The following MOXD1 variants were observed in gnomAD, a reference collection of about 807,000 sequenced individuals.
MOXD1 encodes the protein DBH-like monooxygenase protein 1.
Under a neutral mutation model 66.6 loss-of-function variants are expected in MOXD1, and 62 were observed. The observed-to-expected ratio is 0.93, with a 90% CI of 0.76 to 1.15. The LOEUF (loss-of-function observed/expected upper bound fraction) is 1.15, where lower values mean the gene tolerates loss of function less well. Ranked by LOEUF, MOXD1 falls within the 50% of genes most tolerant of loss-of-function variation. The probability of loss-of-function intolerance (pLI) is 0.00; values close to 1 mark genes in which losing one functional copy is unlikely to be tolerated. For synonymous variants in MOXD1, 303 were observed against 281.9 expected (o/e 1.07, Z -0.75); for missense variants, 847 against 754.6 (o/e 1.12, Z -1.44).
At chr6:132,363,947 C>T (rs1776066451) in intron 4 of MOXD1, among the ~76,000 whole-genome samples, 1 of 151,798 alleles carries the variant, frequency 6.6e-6, no homozygotes, top group African/African-American at 2.4e-5. Flanking sequence ...GAATAATTAC[C>T]AAGAAATGTG....
intron 10 of MOXD1, among the ~76,000 whole-genome samples, chr6:132,302,553 G>T (rs1774564073): frequency 6.6e-6 from 1 of 152,068 alleles, no homozygotes; most frequent in Admixed American, 6.6e-5. Context: ...TTAGAGAAAT[G>T]AAAGAACAGT....
At chr6:132,353,343 T>G (rs1374275736) in intron 4 of MOXD1, among the ~76,000 whole-genome samples, 2 of 152,166 alleles carry the variant, frequency 1.3e-5, no homozygotes, top group Admixed American at 6.5e-5. Context: ...GCAGCTCTTG[T>G]GGTGCTTCCT....
At position 132,301,201 on chromosome 6, in the gene MOXD1, TATATA is replaced by T. The variant is rs1774528933; in HGVS notation, c.1509-3251_1509-3247del. 1.0e-3 allele frequency among the ~76,000 whole-genome samples: 27 copies of T among 26,988 alleles called. No individual in the cohort carries two copies. In the African/African-American group the frequency reaches 0.032, roughly 32 times the overall value. The allele number at this position is 26,988 out of a possible 152,430, so 17.7% of individuals were successfully genotyped here. A position where few individuals can be genotyped will look rare whatever the true frequency, so the allele number is the denominator to read the frequency against. ...ACATACATGTAAACGAATGGTATTA[TATATA>T]TATATATATATATATATTACTGTAG... is the stretch of plus-strand genomic sequence containing the variant. On this transcript the variant is annotated intron_variant, in intron 10 of 11. Transcript: ENST00000367963.
At chr6:132,341,403 C>A (rs1357119420) in intron 4 of MOXD1, among the ~76,000 whole-genome samples, 1 of 152,174 alleles carries the variant, frequency 6.6e-6, no homozygotes. Flanking sequence ...ATTGCCCAGT[C>A]TAAAGTATTT....
chr6:132,353,919 G>A (rs1775858873), intron 4 of MOXD1, among the ~76,000 whole-genome samples: 1 of 151,956 alleles, frequency 6.6e-6, no homozygotes, highest in African/African-American at 2.4e-5. Flanking sequence ...TTGTCTTTGA[G>A]CTCCGAATTT....
Position 132,349,410 on chromosome 6 carries a change from T to TATATATACACATATATATAC in MOXD1, c.664-20817_664-20816insGTATATATATGTGTATATAT, listed in dbSNP as rs1562289902. On this transcript the variant is annotated intron_variant, in intron 4 of 11. Coordinates refer to ENST00000367963, the MANE Select transcript of MOXD1 (RefSeq NM_015529.4). ...ATATATATACACATATATATACATA[T>TATATATACACATATATATAC]ATATATATATACATATATATATATA... is the stretch of plus-strand genomic sequence containing the variant. 8.3e-4 allele frequency among the ~76,000 whole-genome samples: 69 copies of TATATATACACATATATATAC among 82,662 alleles called. 12 individuals carry two copies. Among genetic ancestry groups the TATATATACACATATATATAC allele is most frequent in the African/African-American group, 5.0e-3 (67 of 13,470 alleles). The allele number at this position is 82,662 out of a possible 152,430, so 54.2% of individuals were successfully genotyped here. A position where few individuals can be genotyped will look rare whatever the true frequency, so the allele number is the denominator to read the frequency against.
intron 1 of MOXD1, among the ~76,000 whole-genome samples, chr6:132,387,316 C>T (rs1483644462): frequency 6.6e-6 from 1 of 151,372 alleles, no homozygotes; most frequent in Non-Finnish European, 1.5e-5. Context: ...ATACTGTGTA[C>T]ATGCACAGAT....
In MOXD1 at chr6:132,328,548, A is replaced by G; in HGVS notation, c.710T>C (p.Ile237Thr). 1 of 1,614,140 alleles carries G rather than the reference A, an allele frequency of 6.2e-7. No homozygotes were observed. Among genetic ancestry groups the G allele is most frequent in the Non-Finnish European group, 8.5e-7 (1 of 1,180,008 alleles). Residue 237 changes from isoleucine (I) to threonine (T), a missense_variant, in exon 5 of 12, where the codon ATC (isoleucine) becomes ACC (threonine). Transcript: ENST00000367963. ...QRGHESLVHH[I>T]LLYQCSNNFN... ...GTTGTTGCTGCACTGATAGAGCAGGATGTGGTGCACCAGACTCTCATGGCC... is the reference window on the plus strand; with the variant it reads ...GTTGTTGCTGCACTGATAGAGCAGGGTGTGGTGCACCAGACTCTCATGGCC...
chr6:132,372,946 C>A lies in MOXD1; in HGVS notation c.463G>T (p.Ala155Ser), dbSNP rs775801830. Residue 155 changes from alanine to serine, a missense_variant, in exon 3 of 12, where the codon GCT becomes TCT. Ala to Ser is a moderately conservative substitution (Grantham distance 99). Transcript: ENST00000367963. ...WAYHHEDAGE[A>S]GPKYHDSNRG... ...TTGGAGTCATGGTACTTGGGACCAG[C>A]TTCTCCTGCATCTTCATGGTGGTAG... 1 of 1,613,882 alleles carries A rather than the reference C, an allele frequency of 6.2e-7. No homozygotes were observed. The highest frequency in any genetic ancestry group is 1.1e-5 in the South Asian group (1 of 91,068).
At chr6:132,333,152 A>T (rs568959602) in intron 4 of MOXD1, among the ~76,000 whole-genome samples, 13 of 151,948 alleles carry the variant, frequency 8.6e-5, no homozygotes, top group East Asian at 1.9e-4. Flanking sequence ...CTGGCTAACA[A>T]GGTGAAACCC....
rs1343601478 is a variant in MOXD1 at position 132,374,640 on chromosome 6, C to G, written c.402G>C (p.Lys134Asn). The G allele has an allele frequency of 1.9e-6, 3 of 1,613,582 alleles. No homozygotes were observed. The Admixed American group carries it at 5.0e-5, about 27-fold the overall frequency. The part of the protein sequence containing the change: ...RELHTCDIND[K>N]SITDSTVRVI... ...CTCATAGATGCCTTACCGTTATACTCTTGTCATTTATGTCACATGTATGCA... is the reference window on the plus strand; with the variant it reads ...CTCATAGATGCCTTACCGTTATACTGTTGTCATTTATGTCACATGTATGCA... The change falls in exon 2 of 12, where the codon AAG (lysine) becomes AAC (asparagine). Residue 134 changes from lysine to asparagine, a missense_variant. By Grantham distance (94) the Lys-to-Asn change is moderately conservative. Coordinates refer to ENST00000367963, the MANE Select transcript of MOXD1 (RefSeq NM_015529.4).
chr6:132,323,807 AG>A (rs1487442962), intron 7 of MOXD1, 123 bp downstream of exon 7: 3 of 1,061,406 alleles, frequency 2.8e-6, no homozygotes, highest in African/African-American at 1.6e-5. Flanking sequence ...AATTGCGATA[AG>A]GGTTTCACAG....
At chr6:132,330,753 C>G (rs1775300763) in intron 4 of MOXD1, among the ~76,000 whole-genome samples, 1 of 152,220 alleles carries the variant, frequency 6.6e-6, no homozygotes, top group Non-Finnish European at 1.5e-5. Flanking sequence ...GTGTTTTCAG[C>G]TCTTTTCTCC....
Position 132,323,959 on chromosome 6 carries a change from C to A in MOXD1, c.1085G>T (p.Gly362Val). The A allele has an allele frequency of 1.2e-6, 2 of 1,613,270 alleles. No individual in the cohort carries two copies. The highest frequency in any genetic ancestry group is 8.5e-7 in the Non-Finnish European group (1 of 1,179,772). Reference protein sequence around the residue: ...PPGMPEFQSEGHCTLECLEEA... With the variant: ...PPGMPEFQSEVHCTLECLEEA... ...TTCCAGGCACTCCAAAGTGCAGTGA[C>A]CCTCAGACTGGAACTCAGGCATCCC... is the stretch of plus-strand genomic sequence containing the variant. The change falls in exon 7 of 12, where the codon GGT (glycine) becomes GTT (valine). Residue 362 changes from glycine (G) to valine (V), a missense_variant. Gly to Val is a moderately radical substitution (Grantham distance 109, BLOSUM62 -3). Transcript: ENST00000367963.
chr6:132,328,147 C>T (rs1038845848), intron 5 of MOXD1, 32 bp from the exon 6 acceptor site: 4 of 1,564,904 alleles, frequency 2.6e-6, no homozygotes, highest in Admixed American at 1.7e-5. Flanking sequence ...AGACAATGTC[C>T]TATGAAAGTC....
At position 132,372,911 on chromosome 6, in the gene MOXD1, G is replaced by A. The variant is rs747838793; in HGVS notation, c.498C>T (p.Thr166=). 3 of 1,613,940 alleles carry A rather than the reference G, an allele frequency of 1.9e-6. No homozygotes were observed. Among genetic ancestry groups the A allele is most frequent in the East Asian group, 2.2e-5 (1 of 44,872 alleles). ...CAGGATTCAATAACCGCAAACTCTTGGTGCCCCTATTGGAGTCATGGTACT... is the reference window on the plus strand; with the variant it reads ...CAGGATTCAATAACCGCAAACTCTTAGTGCCCCTATTGGAGTCATGGTACT... ...GPKYHDSNRG[T]KSLRLLNPEK... is the part of the protein sequence containing the mutation. The change falls in exon 3 of 12, where the codon ACC becomes ACT. Residue 166 remains threonine (T), a synonymous_variant. Coordinates refer to ENST00000367963, the MANE Select transcript of MOXD1 (RefSeq NM_015529.4).
chr6:132,306,160 G>C (rs1774683905), intron 10 of MOXD1, among the ~76,000 whole-genome samples: 1 of 152,066 alleles, frequency 6.6e-6, no homozygotes, highest in African/African-American at 2.4e-5. Flanking sequence ...AGTTTAGAGA[G>C]GAATATTAAT....
At position 132,328,061 on chromosome 6, in the gene MOXD1, G is replaced by A; in HGVS notation, c.898C>T (p.His300Tyr). The A allele has an allele frequency of 1.9e-6, 3 of 1,613,906 alleles. No homozygotes were observed. Among genetic ancestry groups the A allele is most frequent in the South Asian group, 2.2e-5 (2 of 91,060 alleles). ...GLSLGTPLDP[H>Y]YVLLEVHYDN... ...TAATGGACTTCTAGGAGCACATAAT[G>A]CGGATCTAATGGAGTGCCAAGGGAT... Residue 300 changes from histidine to tyrosine, a missense_variant, in exon 6 of 12, where the codon CAT becomes TAT. Transcript: ENST00000367963.
chr6:132,309,844 A>G (rs916534165), intron 10 of MOXD1, among the ~76,000 whole-genome samples: 1 of 152,224 alleles, frequency 6.6e-6, no homozygotes, highest in African/African-American at 2.4e-5. Flanking sequence ...CCTTATACAC[A>G]AATTAACTCA....
Sources: gnomAD v4.1 joint callset for allele counts (sites outside exome capture counted in the v4.1 genomes callset) on GRCh38, gnomAD v4.1.1 for gene constraint, MANE v1.5 for transcripts, NCBI Gene and HGNC (gene_info 2026-07-23, HGNC 2026-07-21) for gene names.